Variants in NELL1 observed in about 807,000 individuals in gnomAD.
NELL1 encodes protein kinase C-binding protein NELL1.
A neutral mutation model predicts 107.4 loss-of-function variants in NELL1; 76 were observed. The observed-to-expected ratio is 0.71, with a 90% CI of 0.59 to 0.86. The LOEUF (loss-of-function observed/expected upper bound fraction) is 0.86. NELL1 is among the 40% of genes least tolerant of loss of function. NELL1 has a pLI of 0.00. For synonymous variants in NELL1, 353 were observed against 341.2 expected (o/e 1.03, Z -0.38); for missense variants, 1,024 against 1,005.5 (o/e 1.02, Z -0.25).
chr11:21,271,672 A>G (rs1466297571), intron 14 of NELL1, among the ~76,000 whole-genome samples: 1 of 152,242 alleles, frequency 6.6e-6, no homozygotes, highest in Non-Finnish European at 1.5e-5. Flanking sequence ...ACATCACAAG[A>G]AAAGAAAACT....
chr11:21,489,854 G>A (rs1275911574), intron 15 of NELL1, among the ~76,000 whole-genome samples: 1 of 151,920 alleles, frequency 6.6e-6, no homozygotes, highest in Non-Finnish European at 1.5e-5. Flanking sequence ...AGTGAGTGGG[G>A]AAAAGCTGAA....
At chr11:20,828,130 T>C (rs1857924745) in intron 3 of NELL1, among the ~76,000 whole-genome samples, 1 of 151,368 alleles carries the variant, frequency 6.6e-6, no homozygotes, top group African/African-American at 2.4e-5. Context: ...GATGACTTTA[T>C]ATCTTTGAAC....
chr11:21,516,736 C>CACAT (rs1855572451), intron 15 of NELL1, among the ~76,000 whole-genome samples: 1 of 143,584 alleles, frequency 7.0e-6, no homozygotes, highest in South Asian at 2.2e-4. Context: ...CACACACACA[C>CACAT]ACATACACAC....
intron 16 of NELL1, among the ~76,000 whole-genome samples, chr11:21,553,491 CATATTCTAAAACTT>C (rs1407151393): frequency 2.0e-5 from 3 of 151,770 alleles, no homozygotes; most frequent in Non-Finnish European, 2.9e-5. Context: ...TGTCACCACT[CATATTCTAAAACTT>C]GAATTACAAG....
chr11:20,822,562 A>G lies in NELL1; in HGVS notation c.336-25021A>G, dbSNP rs559237169. 2.2e-4 allele frequency among the ~76,000 whole-genome samples: 33 copies of G among 152,328 alleles called. 1 individual carries two copies. The South Asian group carries it at 6.6e-3, about 31-fold the overall frequency. ...GGTGAAACACCTCAGAGATGTTTTAATAGATTCATCTGTTTAAAATGAAAA... is the reference window on the plus strand; with the variant it reads ...GGTGAAACACCTCAGAGATGTTTTAGTAGATTCATCTGTTTAAAATGAAAA... On this transcript the variant is annotated intron_variant, in intron 3 of 19. Transcript: ENST00000357134.
chr11:20,928,314 C>T, intron 8 of NELL1, 63 bp from the exon 9 acceptor site: 1 of 1,421,836 alleles, frequency 7.0e-7, no homozygotes, highest in Non-Finnish European at 9.9e-7. Flanking sequence ...TTTCAATGAT[C>T]TCCACAACAG....
At chr11:20,834,421 T>C (rs1487008576) in intron 3 of NELL1, among the ~76,000 whole-genome samples, 1 of 151,950 alleles carries the variant, frequency 6.6e-6, no homozygotes. Flanking sequence ...GTTGAGTAGG[T>C]AGTTGGTTAT....
chr11:21,086,193 A>G (rs1047714129), intron 12 of NELL1, among the ~76,000 whole-genome samples: 1 of 152,190 alleles, frequency 6.6e-6, no homozygotes, highest in African/African-American at 2.4e-5. Context: ...TTTTGTTCTC[A>G]GTAATTGGAG....
At chr11:21,185,541 C>T (rs1305112843) in intron 13 of NELL1, among the ~76,000 whole-genome samples, 1 of 151,532 alleles carries the variant, frequency 6.6e-6, no homozygotes, top group Non-Finnish European at 1.5e-5. Flanking sequence ...GTGATCCACC[C>T]GCCTCGGCCT....
At chr11:21,350,367 A>T (rs5024008) in intron 14 of NELL1, among the ~76,000 whole-genome samples, 5,525 of 111,102 alleles carry the variant, frequency 0.05, 125 homozygotes, top group African/African-American at 0.081. Context: ...AGATCTTTTT[A>T]AAAAAAAAAA....
chr11:21,487,824 A>G (rs1854678005), intron 15 of NELL1, among the ~76,000 whole-genome samples: 2 of 152,182 alleles, frequency 1.3e-5, no homozygotes, highest in Non-Finnish European at 2.9e-5. Context: ...CTGAAAATAA[A>G]AGGATCAAAA....
chr11:21,052,889 T>C (rs766868433), intron 12 of NELL1, among the ~76,000 whole-genome samples: 10 of 152,022 alleles, frequency 6.6e-5, no homozygotes, highest in Non-Finnish European at 1.3e-4. Context: ...GAAGTTGGAA[T>C]GGTAGGCAGG....
intron 13 of NELL1, among the ~76,000 whole-genome samples, chr11:21,132,830 G>A (rs1055324698): frequency 4.6e-5 from 7 of 152,282 alleles, no homozygotes; most frequent in East Asian, 1.9e-4. Flanking sequence ...CCCTGTTTGC[G>A]TTGCTGCTCT....
chr11:21,188,143 A>G (rs1473345882), intron 13 of NELL1, among the ~76,000 whole-genome samples: 1 of 151,912 alleles, frequency 6.6e-6, no homozygotes, highest in Admixed American at 6.5e-5. Context: ...TGAAGGGGAA[A>G]GGTAAAAATC....
chr11:21,429,486 G>A lies in NELL1; in HGVS notation c.1645+58538G>A, dbSNP rs149343647. 6.5e-3 allele frequency among the ~76,000 whole-genome samples: 989 copies of A among 152,222 alleles called. 16 individuals carry two copies. Among genetic ancestry groups the A allele is most frequent in the African/African-American group, 0.023 (944 of 41,516 alleles). On this transcript the variant is annotated intron_variant, in intron 15 of 19. Transcript: ENST00000357134. ...TTCTATTATAGACAGAAGCTATGTT[G>A]GGCAAAGGGGCTTCAATCCTGTCTT...
chr11:21,326,064 T>G (rs1298175950), intron 14 of NELL1, among the ~76,000 whole-genome samples: 29 of 93,916 alleles, frequency 3.1e-4, no homozygotes, highest in Middle Eastern at 4.9e-3. Flanking sequence ...TTTTTTTTTT[T>G]TTTTTTTTTT....
At chr11:20,787,317 A>G (rs1856988159) in intron 3 of NELL1, among the ~76,000 whole-genome samples, 1 of 152,130 alleles carries the variant, frequency 6.6e-6, no homozygotes, top group Admixed American at 6.5e-5. Flanking sequence ...CTGGAATGTA[A>G]GAAAATAGAG....
At chr11:20,998,374 T>A (rs1032988890) in intron 12 of NELL1, among the ~76,000 whole-genome samples, 6 of 152,232 alleles carry the variant, frequency 3.9e-5, no homozygotes, top group South Asian at 2.1e-4. Flanking sequence ...TAAGCTTTTT[T>A]TCATTTTGTT....
intron 5 of NELL1, among the ~76,000 whole-genome samples, chr11:20,913,656 G>C (rs1404127252): frequency 3.9e-5 from 6 of 151,902 alleles, no homozygotes; most frequent in Admixed American, 3.9e-4. Context: ...GGTGGCAACA[G>C]GTGGATTAAA....
Sources: allele counts gnomAD v4.1 joint callset (sites outside exome capture counted in the v4.1 genomes callset), GRCh38; gene constraint gnomAD v4.1.1; transcripts MANE v1.5; gene names NCBI Gene and HGNC (gene_info 2026-07-23, HGNC 2026-07-21).